Variants in ATP2C1 observed in about 807,000 individuals in gnomAD.
ATP2C1 encodes the protein ATPase secretory pathway Ca2+ transporting 1.
In ATP2C1, 31 loss-of-function variants were observed where a neutral mutation model predicts 120.5. The observed-to-expected ratio is 0.26, with a 90% CI of 0.19 to 0.35. The LOEUF (loss-of-function observed/expected upper bound fraction) is 0.35. Among genes scored for constraint, ATP2C1 ranks in the 10% least tolerant of loss-of-function variants. The pLI is 1.00. For synonymous variants in ATP2C1, 351 were observed against 358.7 expected, an observed-to-expected ratio of 0.98 and a Z score of 0.24; for missense variants, 731 against 1,107.5, an observed-to-expected ratio of 0.66 and a Z score of 4.83.
intron 1 of ATP2C1, among the ~76,000 whole-genome samples, chr3:130,856,517 T>A (rs1012159455): frequency 1.3e-5 from 2 of 152,250 alleles, no homozygotes; most frequent in African/African-American, 4.8e-5. Flanking sequence ...AAGTTGGTTA[T>A]ATCTTGAGTG....
intron 12 of ATP2C1, 83 bp from the exon 13 acceptor site, chr3:130,963,888 A>G (rs1265003009): frequency 1.3e-6 from 2 of 1,570,886 alleles, no homozygotes; most frequent in African/African-American, 1.4e-5. Context: ...GCGTTTTATT[A>G]AGCTTTAAGT....
At chr3:130,907,321 A>G (rs1208128249) in intron 2 of ATP2C1, among the ~76,000 whole-genome samples, 4 of 152,072 alleles carry the variant, frequency 2.6e-5, no homozygotes, top group Admixed American at 2.0e-4. Context: ...CAATTTATAT[A>G]TGTGTTTCTT....
At chr3:130,944,290 TGTACAACTTTTATCTG>T (rs1362424296) in intron 8 of ATP2C1, among the ~76,000 whole-genome samples, 42 of 152,378 alleles carry the variant, frequency 2.8e-4, no homozygotes, top group African/African-American at 9.9e-4. Context: ...ACTTGACTGT[TGTACAACTTTTATCTG>T]GTACAACTTT....
chr3:130,998,326 A>G lies in ATP2C1; in HGVS notation c.2424A>G (p.Thr808=). The part of the protein sequence containing the change: ...LRDNVITPRD[T]TMTFTCFVFF... ...ACAATGTGATTACACCTCGAGACACAACAATGACCTTCACATGCTTTGTGT... is the reference window on the plus strand; with the variant it reads ...ACAATGTGATTACACCTCGAGACACGACAATGACCTTCACATGCTTTGTGT... Residue 808 remains threonine, a synonymous_variant, in exon 26 of 28, where the codon ACA becomes ACG. Transcript: ENST00000510168. 1 of 1,613,076 alleles carries G rather than the reference A, an allele frequency of 6.2e-7. No homozygotes were observed. The highest frequency in any genetic ancestry group is 2.2e-5 in the East Asian group (1 of 44,866).
At chr3:130,867,843 G>A (rs1369872037) in intron 1 of ATP2C1, among the ~76,000 whole-genome samples, 2 of 144,422 alleles carry the variant, frequency 1.4e-5, no homozygotes, top group Non-Finnish European at 3.0e-5. Flanking sequence ...TCTAGGAAGC[G>A]AGGAGCGCCT....
At chr3:130,870,306 A>G (rs1384158310) in intron 1 of ATP2C1, among the ~76,000 whole-genome samples, 1 of 152,230 alleles carries the variant, frequency 6.6e-6, no homozygotes, top group Non-Finnish European at 1.5e-5. Flanking sequence ...TGGATCAAGG[A>G]AGAATTTTAA....
chr3:130,933,173 A>G (rs1162057632), intron 4 of ATP2C1, among the ~76,000 whole-genome samples: 3 of 152,132 alleles, frequency 2.0e-5, no homozygotes, highest in African/African-American at 7.2e-5. Context: ...GCCCCTTGGG[A>G]TTCCTGTGAG....
At chr3:130,855,791 G>C (rs531800371) in intron 1 of ATP2C1, 2 of 152,342 alleles carry the variant, frequency 1.3e-5, no homozygotes, top group South Asian at 4.1e-4. Flanking sequence ...AGGCAGAGCA[G>C]AGCCTGCTCT....
intron 10 of ATP2C1, chr3:130,955,720 C>G (rs2060551673): frequency 4.5e-6 from 1 of 220,958 alleles, no homozygotes; most frequent in Non-Finnish European, 9.1e-6. Flanking sequence ...GATTAAAAGA[C>G]CTGGGTTACT....
chr3:130,918,395 A>G, intron 2 of ATP2C1: 1 of 1,282,342 alleles, frequency 7.8e-7, no homozygotes, highest in Non-Finnish European at 1.1e-6. Context: ...AGGGCTTTCC[A>G]GCTCCAGTTA....
chr3:130,999,663 A>G lies in ATP2C1; in HGVS notation c.2629+4A>G, dbSNP rs141343420. On this transcript the variant is annotated splice_donor_region_variant and intron_variant, in intron 27 of 27. Transcript: ENST00000510168. ...ACTGAGAGCCTAAGCATACTGGGTA[A>G]AGAAAACGTTATCTTTATCATTTAT... is the stretch of plus-strand genomic sequence containing the variant. 3.7e-6 allele frequency: 6 copies of G among 1,609,540 alleles called. No individual in the cohort carries two copies. The Admixed American group carries it at 1.0e-4, about 27-fold the overall frequency.
intron 22 of ATP2C1, 32 bp downstream of exon 22, chr3:130,994,130 G>T (rs374253670): frequency 1.2e-5 from 20 of 1,612,496 alleles, no homozygotes; most frequent in Middle Eastern, 3.4e-4. Context: ...GCCTATCAGA[G>T]AATCTTCCCC....
At position 130,894,438 on chromosome 3, in the gene ATP2C1, G is replaced by A; in HGVS notation, c.-181+101G>A. On this transcript the variant is annotated intron_variant, in intron 1 of 27. Coordinates refer to ENST00000510168, the MANE Select transcript of ATP2C1 (RefSeq NM_001378687.1). The surrounding 1 kb of genome is among the most constrained non-coding windows in gnomAD (Gnocchi z 4.5). ...CCCTGGATGGGGGGGCATCTCTAGGGCGCCGCCCCGCTGGCGTGAGCTGGG... is the reference window on the plus strand; with the variant it reads ...CCCTGGATGGGGGGGCATCTCTAGGACGCCGCCCCGCTGGCGTGAGCTGGG... The A allele has an allele frequency of 7.7e-7, 1 of 1,298,106 alleles. No individual in the cohort carries two copies. Among genetic ancestry groups the A allele is most frequent in the Non-Finnish European group, 9.8e-7 (1 of 1,016,094 alleles). 80.4% of individuals were successfully genotyped at this position (1,298,106 alleles called of 1,614,324 possible).
At chr3:130,902,852 T>TG (rs2057927376) in intron 2 of ATP2C1, among the ~76,000 whole-genome samples, 1 of 151,968 alleles carries the variant, frequency 6.6e-6, no homozygotes, top group Non-Finnish European at 1.5e-5. Context: ...TGTTGAATGT[T>TG]TCAGTGGTGT....
chr3:130,969,158 G>T, intron 16 of ATP2C1, 134 bp from the exon 17 acceptor site: 1 of 696,500 alleles, frequency 1.4e-6, no homozygotes, highest in Non-Finnish European at 2.7e-6. Flanking sequence ...ATATATAGAT[G>T]GAGCATTTAC....
intron 2 of ATP2C1, among the ~76,000 whole-genome samples, chr3:130,905,980 A>G (rs1207206339): frequency 1.3e-5 from 2 of 152,080 alleles, no homozygotes; most frequent in Non-Finnish European, 2.9e-5. Context: ...CTGTATGCAC[A>G]GTTTTAGACC....
chr3:130,980,487 A>G, intron 19 of ATP2C1, 95 bp from the exon 20 acceptor site: 1 of 844,038 alleles, frequency 1.2e-6, no homozygotes, highest in South Asian at 1.4e-5. Context: ...ACAAAAGAGA[A>G]CAGATAACAA....
At position 130,932,733 on chromosome 3, in the gene ATP2C1, T is replaced by G. The variant is rs561455140; in HGVS notation, c.234+595T>G. On this transcript the variant is annotated intron_variant, in intron 4 of 27. Transcript: ENST00000510168. The stretch of plus-strand genomic sequence containing the variant: ...GTAAAAAGTTACAGGTTACTATGAT[T>G]AGTTTTGAAGTAATTAGGTTGGTTT... Among the ~76,000 whole-genome samples the G allele has an allele frequency of 7.2e-5, 11 of 152,324 alleles. No individual in the cohort carries two copies. In the South Asian group the frequency reaches 2.3e-3, roughly 32 times the overall value.
chr3:130,902,297 G>GTTTTTTTTTTTTTTTTTTTTTTT (rs398052267), intron 2 of ATP2C1, among the ~76,000 whole-genome samples: 1 of 13,250 alleles, frequency 7.5e-5, no homozygotes, highest in African/African-American at 2.1e-4. Flanking sequence ...TTTTTTTTTT[G>GTTTTTTTTTTTTTTTTTTTTTTT]TTTTTTTTTT....
Sources: gnomAD v4.1 joint callset for allele counts (sites outside exome capture counted in the v4.1 genomes callset) on GRCh38, gnomAD v4.1.1 for gene constraint, Gnocchi (gnomAD v3.1) non-coding constraint, MANE v1.5 for transcripts, NCBI Gene and HGNC (gene_info 2026-07-23, HGNC 2026-07-21) for gene names.